Variants in PREP observed in about 807,000 individuals in gnomAD.
PREP encodes the protein dJ355L5.1 (prolyl endopeptidase).
Under a neutral mutation model 87.6 loss-of-function variants are expected in PREP, and 29 were observed. That is an observed-to-expected ratio of 0.33 (90% confidence interval 0.25 to 0.45). The LOEUF is 0.45. PREP is among the 20% of genes least tolerant of loss of function. The probability of loss-of-function intolerance (pLI) is 1.00; values close to 1 mark genes in which losing one functional copy is unlikely to be tolerated. For missense variants in PREP, 695 were observed against 886.5 expected (o/e 0.78, Z 2.74); for synonymous variants, 337 against 328.6 (o/e 1.03, Z -0.28).
rs139732459 is a variant in PREP, at chr6:105,384,504, C to A, written c.121-6985G>T. Reference sequence around the variant, plus strand: ...TTCTTGGTACCGCTCGCTTGTACCTCCATCTGTCATAGATAATGTGACAGA... The same window carrying A: ...TTCTTGGTACCGCTCGCTTGTACCTACATCTGTCATAGATAATGTGACAGA... On this transcript the variant is annotated intron_variant, in intron 2 of 14. Transcript: ENST00000652536. 3.3e-5 allele frequency among the ~76,000 whole-genome samples: 5 copies of A among 152,294 alleles called. No individual in the cohort carries two copies. The East Asian group carries it at 9.6e-4, about 29-fold the overall frequency.
intron 4 of PREP, among the ~76,000 whole-genome samples, chr6:105,374,191 A>C (rs760423786): frequency 2.6e-5 from 4 of 152,200 alleles, no homozygotes; most frequent in Non-Finnish European, 5.9e-5. Flanking sequence ...GAAATTGTGA[A>C]AGGAAAAGCA....
chr6:105,278,692 A>G lies in PREP; in HGVS notation c.1839-254T>C, dbSNP rs1426832240. Among the ~76,000 whole-genome samples, 1 of 151,994 alleles carries G rather than the reference A, an allele frequency of 6.6e-6. No homozygotes were observed. The highest frequency in any genetic ancestry group is 2.1e-4 in the South Asian group (1 of 4,832). On this transcript the variant is annotated intron_variant, in intron 14 of 14. Transcript: ENST00000652536. This position sits in a 1 kb window ranked among gnomAD's most constrained non-coding sequence, Gnocchi z 4.2. ...GCTCACAGGTCTGTTGAAACAACCC[A>G]AATCACAGGCATGCTTACTGTCTCT...
At chr6:105,326,393 T>C (rs1771159970) in intron 9 of PREP, among the ~76,000 whole-genome samples, 1 of 152,214 alleles carries the variant, frequency 6.6e-6, no homozygotes, top group South Asian at 2.1e-4. Flanking sequence ...CCTGTTTTTT[T>C]CCAAATGTGA....
chr6:105,301,680 T>C (rs1583043303), intron 10 of PREP, among the ~76,000 whole-genome samples: 1 of 152,228 alleles, frequency 6.6e-6, no homozygotes, highest in East Asian at 1.9e-4. Flanking sequence ...GCTGGGCATT[T>C]TGGTAACACT....
chr6:105,383,074 C>T (rs369403459), intron 2 of PREP, among the ~76,000 whole-genome samples: 3 of 152,184 alleles, frequency 2.0e-5, no homozygotes, highest in Non-Finnish European at 2.9e-5. Flanking sequence ...AGCCAAGAGG[C>T]GCTCACCCTG....
chr6:105,380,885 C>T (rs1254647273), intron 2 of PREP, among the ~76,000 whole-genome samples: 1 of 152,180 alleles, frequency 6.6e-6, no homozygotes, highest in Non-Finnish European at 1.5e-5. Flanking sequence ...ACAGATTGCT[C>T]AGTTCATTTT....
chr6:105,349,924 C>CAAAAAAAAAAAAAAAAAAAAA (rs1456684844), intron 7 of PREP, among the ~76,000 whole-genome samples: 1 of 92,806 alleles, frequency 1.1e-5, no homozygotes, highest in African/African-American at 4.5e-5. Context: ...AAAAAAAAAG[C>CAAAAAAAAAAAAAAAAAAAAA]AAAAAAGATC....
chr6:105,395,923 G>A (rs901918618), intron 2 of PREP, among the ~76,000 whole-genome samples: 1 of 152,214 alleles, frequency 6.6e-6, no homozygotes, highest in South Asian at 2.1e-4. Flanking sequence ...GCAGGTGCAT[G>A]TGACTCTCCA....
At chr6:105,342,945 T>C (rs1213055091) in intron 7 of PREP, among the ~76,000 whole-genome samples, 8 of 152,236 alleles carry the variant, frequency 5.3e-5, no homozygotes, top group African/African-American at 1.9e-4. Flanking sequence ...AAAATGGCCA[T>C]ACTGCCCAAG....
intron 2 of PREP, among the ~76,000 whole-genome samples, chr6:105,382,549 T>C (rs890744320): frequency 6.6e-6 from 1 of 152,196 alleles, no homozygotes; most frequent in Non-Finnish European, 1.5e-5. Context: ...ACTCATCTTT[T>C]TACAATTCTT....
intron 7 of PREP, among the ~76,000 whole-genome samples, chr6:105,334,165 A>G (rs535101515): frequency 1.3e-5 from 2 of 152,320 alleles, no homozygotes; most frequent in African/African-American, 2.4e-5. Context: ...TCAATCTTTT[A>G]AAGTGATCCA....
chr6:105,340,600 T>C (rs544525216), intron 7 of PREP, among the ~76,000 whole-genome samples: 1 of 152,194 alleles, frequency 6.6e-6, no homozygotes, highest in African/African-American at 2.4e-5. Context: ...GATTGGCAAA[T>C]TGGATAAAGA....
chr6:105,372,356 C>A (rs192392169), intron 5 of PREP, among the ~76,000 whole-genome samples: 1 of 152,314 alleles, frequency 6.6e-6, no homozygotes, highest in Non-Finnish European at 1.5e-5. Context: ...TACTGAGCCT[C>A]TGTGCCCAAG....
intron 11 of PREP, 83 bp from the exon 12 acceptor site, chr6:105,285,663 T>C (rs1247763557): frequency 9.3e-7 from 1 of 1,074,366 alleles, no homozygotes; most frequent in Non-Finnish European, 1.4e-6. Context: ...AAAAAGTGTA[T>C]GCCCAACAAC....
At chr6:105,383,148 T>C (rs1443554130) in intron 2 of PREP, among the ~76,000 whole-genome samples, 1 of 152,020 alleles carries the variant, frequency 6.6e-6, no homozygotes, top group East Asian at 1.9e-4. Context: ...AAAAGAGAAT[T>C]AGATGCAGCT....
chr6:105,370,267 C>T (rs1400325616), intron 5 of PREP, among the ~76,000 whole-genome samples: 3 of 137,798 alleles, frequency 2.2e-5, no homozygotes, highest in Non-Finnish European at 4.6e-5. Flanking sequence ...CTGGGCGTGG[C>T]GCTAACTAGT....
At chr6:105,285,414 A>C (rs1583035182) in intron 12 of PREP, 72 bp downstream of exon 12, 4 of 1,483,894 alleles carry the variant, frequency 2.7e-6, no homozygotes, top group Admixed American at 3.4e-5. Context: ...CAGCTCATTC[A>C]AACAGGAAGG....
chr6:105,370,343 C>T (rs1165446337), intron 5 of PREP, among the ~76,000 whole-genome samples: 3 of 150,296 alleles, frequency 2.0e-5, no homozygotes, highest in East Asian at 3.9e-4. Flanking sequence ...TAACTATACA[C>T]CTGTAAGAAT....
intron 10 of PREP, chr6:105,302,489 C>T (rs1256828693): frequency 1.1e-5 from 4 of 353,488 alleles, no homozygotes; most frequent in Non-Finnish European, 2.2e-5. Context: ...GCGGGTACGG[C>T]CGCTCCTTCC....
Sources: gnomAD v4.1 joint callset for allele counts (sites outside exome capture counted in the v4.1 genomes callset) on GRCh38, gnomAD v4.1.1 for gene constraint, Gnocchi (gnomAD v3.1) non-coding constraint, MANE v1.5 for transcripts, NCBI Gene and HGNC (gene_info 2026-07-23, HGNC 2026-07-21) for gene names.